The following SNX29 variants were observed in gnomAD, a reference collection of about 807,000 sequenced individuals.
The protein encoded by SNX29 is sorting nexin-29.
SNX29 carries 78 observed loss-of-function variants against 102.1 expected under a neutral mutation model. The ratio of observed to expected loss-of-function variants is 0.76; its 90% CI spans 0.64 to 0.92. The LOEUF (loss-of-function observed/expected upper bound fraction) is 0.92. Ranked by LOEUF, SNX29 falls within the 40% of genes least tolerant of loss-of-function variation. SNX29 has a pLI of 0.00. For missense variants in SNX29, 1,280 were observed against 1,061.7 expected, an observed-to-expected ratio of 1.21 and a Z score of -2.86; for synonymous variants, 580 against 414.5, an observed-to-expected ratio of 1.40 and a Z score of -4.85.
chr16:12,167,260 A>G (rs1416252736), intron 13 of SNX29, among the ~76,000 whole-genome samples: 1 of 152,190 alleles, frequency 6.6e-6, no homozygotes, highest in Admixed American at 6.5e-5. Context: ...TGTCTGGCCC[A>G]GAGCTGGAGT....
intron 15 of SNX29, among the ~76,000 whole-genome samples, chr16:12,279,248 G>C (rs189708083): frequency 3.8e-4 from 58 of 152,330 alleles, no homozygotes; most frequent in African/African-American, 1.4e-3. Flanking sequence ...GCTTGGGTGG[G>C]TTTCAGAGGC....
chr16:12,092,089 C>A (rs947123822), intron 11 of SNX29, among the ~76,000 whole-genome samples: 3 of 152,224 alleles, frequency 2.0e-5, no homozygotes, highest in African/African-American at 7.2e-5. Context: ...CCCATCCCCC[C>A]AAGTGCAGCA....
At chr16:12,365,235 C>T (rs56666563) in intron 16 of SNX29, among the ~76,000 whole-genome samples, 1 of 152,002 alleles carries the variant, frequency 6.6e-6, no homozygotes, top group Non-Finnish European at 1.5e-5. Flanking sequence ...TCAGATACTT[C>T]TGTGGTGAAG....
chr16:12,252,396 ACTT>A (rs1322125623), intron 14 of SNX29, among the ~76,000 whole-genome samples: 1 of 152,040 alleles, frequency 6.6e-6, no homozygotes, highest in African/African-American at 2.4e-5. Flanking sequence ...CCCCTGCCCC[ACTT>A]CTTTAGCAAC....
At chr16:12,471,579 G>A (rs1344359738) in intron 18 of SNX29, among the ~76,000 whole-genome samples, 1 of 152,202 alleles carries the variant, frequency 6.6e-6, no homozygotes, top group African/African-American at 2.4e-5. Context: ...ACGTGGATGT[G>A]TACCCACAGA....
At chr16:12,025,788 G>A (rs2057174931) in intron 3 of SNX29, among the ~76,000 whole-genome samples, 1 of 152,210 alleles carries the variant, frequency 6.6e-6, no homozygotes, top group African/African-American at 2.4e-5. Flanking sequence ...AAGGTAGCCA[G>A]AGGACTTTTA....
At chr16:12,541,716 C>T (rs368783888) in intron 20 of SNX29, among the ~76,000 whole-genome samples, 24 of 152,262 alleles carry the variant, frequency 1.6e-4, no homozygotes, top group Admixed American at 1.3e-3. Context: ...TTCCTGATTC[C>T]TGTCACCTCC....
At chr16:12,125,283 C>G (rs2054156254) in intron 11 of SNX29, among the ~76,000 whole-genome samples, 1 of 152,140 alleles carries the variant, frequency 6.6e-6, no homozygotes, top group South Asian at 2.1e-4. Flanking sequence ...CACCGTTAAC[C>G]TGAACATGAT....
At chr16:12,033,916 A>G (rs1471329592) in intron 4 of SNX29, among the ~76,000 whole-genome samples, 1 of 152,104 alleles carries the variant, frequency 6.6e-6, no homozygotes, top group African/African-American at 2.4e-5. Context: ...GTCTTGCAAG[A>G]TACCTGGCCA....
intron 16 of SNX29, among the ~76,000 whole-genome samples, chr16:12,395,866 G>C (rs191974327): frequency 2.6e-5 from 4 of 152,330 alleles, no homozygotes; most frequent in East Asian, 3.9e-4. Flanking sequence ...CTCCAGTCTT[G>C]AAAGACAGCA....
chr16:12,405,462 C>T (rs1429635657), intron 18 of SNX29, among the ~76,000 whole-genome samples: 1 of 152,208 alleles, frequency 6.6e-6, no homozygotes, highest in Non-Finnish European at 1.5e-5. Flanking sequence ...GGCCTGGCCG[C>T]TCTGCATCGC....
Position 12,492,889 on chromosome 16 carries a change from T to C in SNX29, c.2178+15030T>C, listed in dbSNP as rs1286201902. On this transcript the variant is annotated intron_variant, in intron 19 of 20. Transcript: ENST00000566228. ...GGCTCTGTTGTGTTCCATTGATCTA[T>C]ATTTCTGTTTTGGTACCAGTAAAAT... Among the ~76,000 whole-genome samples, 11 of 152,348 alleles carry C rather than the reference T, an allele frequency of 7.2e-5. No individual in the cohort carries two copies. The East Asian group carries it at 1.9e-3, about 27-fold the overall frequency.
chr16:12,433,755 C>A (rs1419757614), intron 18 of SNX29, among the ~76,000 whole-genome samples: 2 of 151,316 alleles, frequency 1.3e-5, no homozygotes, highest in African/African-American at 4.9e-5. Flanking sequence ...ACCTGGGGGG[C>A]GGAGGTTGCA....
At chr16:12,233,481 G>C (rs905227539) in intron 14 of SNX29, among the ~76,000 whole-genome samples, 7 of 152,104 alleles carry the variant, frequency 4.6e-5, no homozygotes, top group Admixed American at 4.6e-4. Flanking sequence ...CTACCAGTTG[G>C]ATACTATGCT....
At chr16:12,003,160 T>C (rs1358951603) in intron 3 of SNX29, 117 bp downstream of exon 3, 5 of 1,266,680 alleles carry the variant, frequency 3.9e-6, no homozygotes, top group African/African-American at 1.5e-5. Flanking sequence ...GCGGCTGGCT[T>C]CTGGGCTCTG....
rs978787818 is a variant in SNX29 at position 12,569,510 on chromosome 16, G to A, written c.*881G>A. On this transcript the variant is annotated 3_prime_UTR_variant, in exon 21 of 21. Transcript: ENST00000566228. ...AGAAGGTTCCAGGGTTTTCAAACCA[G>A]GCTCCATGACTATGAAGTTGGACCC... 2.2e-5 allele frequency: 5 copies of A among 231,728 alleles called. No individual in the cohort carries two copies. Among genetic ancestry groups the A allele is most frequent in the Admixed American group, 1.1e-4 (2 of 17,716 alleles). 14.4% of individuals were successfully genotyped at this position (231,728 alleles called of 1,614,324 possible).
intron 20 of SNX29, chr16:12,527,481 C>T (rs1448604470): frequency 2.3e-6 from 1 of 429,626 alleles, no homozygotes; most frequent in Admixed American, 3.4e-5. Context: ...CCAAAAAGTC[C>T]ATTTGAGTTA....
chr16:12,573,813 G>C lies in SNX29; in HGVS notation c.*5184G>C, dbSNP rs2079236268. 4.6e-6 allele frequency: 1 copy of C among 218,860 alleles called. No individual in the cohort carries two copies. The highest frequency in any genetic ancestry group is 9.2e-6 in the Non-Finnish European group (1 of 109,170). The allele number at this position is 218,860 out of a possible 1,614,324, so 13.6% of individuals were successfully genotyped here. A position where few individuals can be genotyped will look rare whatever the true frequency, so the allele number is the denominator to read the frequency against. On this transcript the variant is annotated 3_prime_UTR_variant, in exon 21 of 21. Transcript: ENST00000566228. ...CCGGAGTGAAGGGGATGGGGGTAGAGCTAATTGGAATTTTTATTATCCAGG... is the reference window on the plus strand; with the variant it reads ...CCGGAGTGAAGGGGATGGGGGTAGACCTAATTGGAATTTTTATTATCCAGG...
chr16:12,257,493 C>T (rs745475150), intron 14 of SNX29, among the ~76,000 whole-genome samples: 1 of 127,078 alleles, frequency 7.9e-6, no homozygotes, highest in Admixed American at 8.2e-5. Context: ...ATTCTGCCTA[C>T]CACTAGCATC....
Sources: allele counts gnomAD v4.1 joint callset (sites outside exome capture counted in the v4.1 genomes callset), GRCh38; gene constraint gnomAD v4.1.1; transcripts MANE v1.5; gene names NCBI Gene and HGNC (gene_info 2026-07-23, HGNC 2026-07-21).